Variants in EP400 observed in about 807,000 individuals in gnomAD.
EP400 encodes E1A-binding protein p400.
A neutral mutation model predicts 354.1 loss-of-function variants in EP400; 105 were observed. The observed-to-expected ratio is 0.30, with a 90% CI of 0.25 to 0.35. The LOEUF (loss-of-function observed/expected upper bound fraction) is 0.35, where lower values mean the gene tolerates loss of function less well. EP400 is among the 10% of genes least tolerant of loss of function. The pLI is 1.00. For missense variants in EP400, 3,280 were observed against 4,121.0 expected (o/e 0.80, Z 5.59); for synonymous variants, 1,646 against 1,716.9 (o/e 0.96, Z 1.02).
At chr12:132,031,857 C>A in intron 29 of EP400, 96 bp from the exon 30 acceptor site, 1 of 1,339,354 alleles carries the variant, frequency 7.5e-7, no homozygotes. Context: ...GCCCGGCCTG[C>A]TGTGGGATTA....
intron 45 of EP400, 63 bp from the exon 46 acceptor site, chr12:132,062,047 A>AGTGTGAACAGCCCTGAGTGCT: frequency 1.7e-5 from 25 of 1,455,356 alleles, no homozygotes; most frequent in South Asian, 1.0e-4. Flanking sequence ...CCCTGCTCTG[A>AGTGTGAACAGCCCTGAGTGCT]GTGTGAACAG....
intron 50 of EP400, chr12:132,069,280 A>T: frequency 1.7e-6 from 1 of 580,476 alleles, no homozygotes; most frequent in Non-Finnish European, 2.8e-6. Context: ...CTCCTGGAGG[A>T]GAAGCTGGCG....
Position 132,025,480 on chromosome 12 carries a change from A to T in EP400, c.4856-166A>T, listed in dbSNP as rs1471333174. Among the ~76,000 whole-genome samples the T allele has an allele frequency of 1.3e-5, 2 of 152,160 alleles. No individual in the cohort carries two copies. Among genetic ancestry groups the T allele is most frequent in the Non-Finnish European group, 2.9e-5 (2 of 68,028 alleles). Reference sequence around the variant, plus strand: ...AGTGTGTCGTCATCCACTGTCGGTGATGGGTTGCCACTTTCCTCACAGTAA... The same window carrying T: ...AGTGTGTCGTCATCCACTGTCGGTGTTGGGTTGCCACTTTCCTCACAGTAA... On this transcript the variant is annotated intron_variant, in intron 24 of 52. Coordinates refer to ENST00000389561, the MANE Select transcript of EP400 (RefSeq NM_015409.5). The surrounding 1 kb of genome is among the most constrained non-coding windows in gnomAD (Gnocchi z 4.1).
In EP400 at chr12:132,018,419, G is replaced by A. The variant is rs776880965; in HGVS notation, c.4277+43G>A. 8.3e-6 allele frequency: 13 copies of A among 1,561,312 alleles called. No individual in the cohort carries two copies. Among genetic ancestry groups the A allele is most frequent in the African/African-American group, 1.4e-5 (1 of 72,254 alleles). On this transcript the variant is annotated intron_variant, in intron 21 of 52. Transcript: ENST00000389561. This position sits in a 1 kb window ranked among gnomAD's most constrained non-coding sequence, Gnocchi z 4.0. ...GCAGCGGGGAGGGTTGGCTCCCAGG[G>A]CCCCCACAGCTGACCCAGGTCTATG...
intron 2 of EP400, chr12:131,963,469 A>G: frequency 1.6e-6 from 2 of 1,260,210 alleles, no homozygotes; most frequent in South Asian, 1.3e-5. Flanking sequence ...ATAAAATTCT[A>G]ACAAAATTTT....
chr12:132,002,802 G>T (rs1350306165), intron 12 of EP400, among the ~76,000 whole-genome samples: 2 of 152,220 alleles, frequency 1.3e-5, no homozygotes, highest in African/African-American at 4.8e-5. Flanking sequence ...AACACCAGGA[G>T]GTGGGTTCCT....
chr12:131,987,695 T>G lies in EP400; in HGVS notation c.2224-10T>G. 6.3e-7 allele frequency: 1 copy of G among 1,582,608 alleles called. No individual in the cohort carries two copies. Among genetic ancestry groups the G allele is most frequent in the Non-Finnish European group, 8.6e-7 (1 of 1,163,068 alleles). The stretch of plus-strand genomic sequence containing the variant: ...TGCCGACCCCACCATCCCCCATGTA[T>G]CATCTACAGGAGAACCAGGTGCATC... On this transcript the variant is annotated splice_polypyrimidine_tract_variant and intron_variant, in intron 6 of 52. Transcript: ENST00000389561.
At chr12:132,048,454 T>C (rs1003542642) in intron 39 of EP400, among the ~76,000 whole-genome samples, 9 of 152,198 alleles carry the variant, frequency 5.9e-5, no homozygotes. Context: ...ATTGTCTTCT[T>C]TTATAGCTGA....
chr12:132,020,527 C>G (rs567616611), intron 22 of EP400, among the ~76,000 whole-genome samples: 3 of 152,226 alleles, frequency 2.0e-5, no homozygotes, highest in African/African-American at 7.2e-5. Flanking sequence ...CTAGGAGACT[C>G]CTGAGAACGT....
chr12:131,993,182 A>G (rs1225816933), intron 11 of EP400, among the ~76,000 whole-genome samples: 3 of 152,078 alleles, frequency 2.0e-5, no homozygotes, highest in African/African-American at 7.2e-5. Flanking sequence ...GCGGACTACT[A>G]CGCAGCTAAT....
At chr12:131,989,635 A>G (rs1234625758) in intron 7 of EP400, among the ~76,000 whole-genome samples, 1 of 152,218 alleles carries the variant, frequency 6.6e-6, no homozygotes, top group Admixed American at 6.5e-5. Flanking sequence ...TGAGATGCCG[A>G]CCCATGTTTA....
chr12:131,979,508 A>G (rs1892606107), intron 2 of EP400, among the ~76,000 whole-genome samples, 186 bp from the exon 3 acceptor site: 1 of 152,212 alleles, frequency 6.6e-6, no homozygotes, highest in African/African-American at 2.4e-5. Context: ...GAGGTAAGTT[A>G]GAACTTTAAA....
At position 132,045,577 on chromosome 12, in the gene EP400, T is replaced by A. The variant is rs377617150; in HGVS notation, c.7026+17T>A. 1 of 1,612,858 alleles carries A rather than the reference T, an allele frequency of 6.2e-7. No individual in the cohort carries two copies. On this transcript the variant is annotated intron_variant, in intron 38 of 52. Coordinates refer to ENST00000389561, the MANE Select transcript of EP400 (RefSeq NM_015409.5). ...CTGCTGCAGGTAGGTGGGCGTGGTC[T>A]TTGTGCCAGCGGTCATGTGCGGTCA...
intron 23 of EP400, 35 bp from the exon 24 acceptor site, chr12:132,023,742 G>A (rs946375012): frequency 6.2e-7 from 1 of 1,601,672 alleles, no homozygotes; most frequent in African/African-American, 1.4e-5. Flanking sequence ...TTTCCAAAAT[G>A]ATCTGAATTC....
Position 132,027,525 on chromosome 12 carries a change from G to C in EP400, c.5103G>C (p.Pro1701=). The change falls in exon 26 of 53, where the codon CCG becomes CCC. Residue 1701 remains proline (P), a synonymous_variant. Transcript: ENST00000389561. This position sits in a 1 kb window ranked among gnomAD's most constrained non-coding sequence, Gnocchi z 4.9. The stretch of plus-strand genomic sequence containing the variant: ...AACCAGCTTCTCCCATTGGAGGGCC[G>C]ACCCAGGTAAGCACCTGAGCTTGAG... ...ASKPASPIGG[P]TQEEKTRLLK... The C allele has an allele frequency of 1.2e-6, 2 of 1,611,244 alleles. No homozygotes were observed. The highest frequency in any genetic ancestry group is 1.7e-6 in the Non-Finnish European group (2 of 1,178,488).
At position 132,025,741 on chromosome 12, in the gene EP400, C is replaced by T. The variant is rs753243612; in HGVS notation, c.4951C>T (p.His1651Tyr). The T allele has an allele frequency of 3.1e-6, 5 of 1,612,656 alleles. No homozygotes were observed. In the East Asian group the frequency reaches 8.9e-5, roughly 29 times the overall value. The change falls in exon 25 of 53, where the codon CAC becomes TAC. Residue 1651 changes from histidine (H) to tyrosine (Y), a missense_variant. His to Tyr is a moderately conservative substitution (Grantham distance 83). Coordinates refer to ENST00000389561, the MANE Select transcript of EP400 (RefSeq NM_015409.5). The surrounding 1 kb of genome is among the most constrained non-coding windows in gnomAD (Gnocchi z 4.1). The stretch of plus-strand genomic sequence containing the variant: ...GACCGTGTCTCAGGCGGGCGCTGTG[C>T]ACGGCGCCCTGGGAAGCAAGCCCCC... ...MQTVSQAGAV[H>Y]GALGSKPPAG...
At chr12:132,055,558 G>T (rs1895466592) in intron 45 of EP400, among the ~76,000 whole-genome samples, 3 of 139,180 alleles carry the variant, frequency 2.2e-5, no homozygotes, top group Non-Finnish European at 4.7e-5. Context: ...TGTGTGTGAG[G>T]TGTAGGGGTG....
intron 39 of EP400, among the ~76,000 whole-genome samples, chr12:132,048,519 A>AC (rs1555222378): frequency 7.5e-6 from 1 of 133,602 alleles, no homozygotes; most frequent in Non-Finnish European, 1.6e-5. Flanking sequence ...TTTGAGAGTG[A>AC]TTTTTTTTTT....
chr12:132,065,023 C>T, intron 48 of EP400, 137 bp downstream of exon 48: 2 of 1,425,730 alleles, frequency 1.4e-6, no homozygotes, highest in African/African-American at 1.4e-5. Context: ...GAACTTAGTA[C>T]CCCTTGGACA....
Sources: allele counts gnomAD v4.1 joint callset (sites outside exome capture counted in the v4.1 genomes callset), GRCh38; gene constraint gnomAD v4.1.1; non-coding constraint Gnocchi (gnomAD v3.1); transcripts MANE v1.5; gene names NCBI Gene and HGNC (gene_info 2026-07-23, HGNC 2026-07-21).